Variants in ZC3H12B observed in about 807,000 individuals in gnomAD.
ZC3H12B encodes the protein probable ribonuclease ZC3H12B.
A neutral mutation model predicts 43.9 loss-of-function variants in ZC3H12B; 7 were observed. The observed-to-expected ratio is 0.16, with a 90% CI of 0.09 to 0.30. The LOEUF (loss-of-function observed/expected upper bound fraction) is 0.30, where lower values mean the gene tolerates loss of function less well. Ranked by LOEUF, ZC3H12B falls within the 10% of genes least tolerant of loss-of-function variation. ZC3H12B has a pLI of 1.00. For missense variants in ZC3H12B, 475 were observed against 670.2 expected (o/e 0.71, Z 3.22); for synonymous variants, 222 against 241.7 (o/e 0.92, Z 0.76).
the ZC3H12B span, among the ~76,000 whole-genome samples, chrX:65,124,269 C>G: frequency 9.0e-6 from 1 of 110,714 alleles, no homozygotes; most frequent in Non-Finnish European, 1.9e-5. Flanking sequence ...GTTTTTGATT[C>G]TGTTTATTGG....
the ZC3H12B span, among the ~76,000 whole-genome samples, chrX:65,218,957 A>T: frequency 1.8e-5 from 2 of 112,134 alleles, no homozygotes; most frequent in Non-Finnish European, 3.8e-5. Flanking sequence ...AGGTGCTGGT[A>T]TCCATGGCTT....
the ZC3H12B span, among the ~76,000 whole-genome samples, chrX:65,248,171 A>T: frequency 1.8e-5 from 2 of 110,298 alleles, no homozygotes. Context: ...TGAGTAGCTG[A>T]GACCACAGGA....
intron 4 of ZC3H12B, 50 bp from the exon 10 acceptor site, chrX:65,501,739 G>C: frequency 9.3e-7 from 1 of 1,075,997 alleles, no homozygotes; most frequent in Non-Finnish European, 1.2e-6. Flanking sequence ...TTTTGGCACA[G>C]AGGGTTCCAT....
chrX:65,384,036 T>G (rs2148014836), intron 2 of ZC3H12B, among the ~76,000 whole-genome samples: 1 of 99,478 alleles, frequency 1.0e-5, no homozygotes, highest in Non-Finnish European at 2.0e-5. Context: ...CCCAAAGGAC[T>G]ATAAATCATG....
At chrX:65,178,268 T>C in the ZC3H12B span, among the ~76,000 whole-genome samples, 2 of 112,254 alleles carry the variant, frequency 1.8e-5, no homozygotes, top group Non-Finnish European at 1.9e-5. Context: ...TAACTCAAGA[T>C]GGATTAAAGA....
chrX:65,224,939 G>A, the ZC3H12B span, among the ~76,000 whole-genome samples: 816 of 112,112 alleles, frequency 7.3e-3, 3 homozygotes, highest in Non-Finnish European at 0.013. Context: ...CTCCAACTCT[G>A]GGGGAGGGCA....
chrX:65,453,556 A>G (rs2067555305), intron 3 of ZC3H12B, among the ~76,000 whole-genome samples: 1 of 105,385 alleles, frequency 9.5e-6, no homozygotes, highest in South Asian at 4.4e-4. Context: ...CACTTTCTCT[A>G]CCAAAAAATA....
chrX:65,035,013 G>T, the ZC3H12B span, among the ~76,000 whole-genome samples: 739 of 112,525 alleles, frequency 6.6e-3, 3 homozygotes, highest in Non-Finnish European at 9.7e-3. Context: ...GGTCCGGGCC[G>T]CTGGGCGAGC....
chrX:65,156,437 A>G, the ZC3H12B span, among the ~76,000 whole-genome samples: 72 of 111,417 alleles, frequency 6.5e-4, 2 homozygotes, highest in African/African-American at 2.3e-3. Context: ...CTGGAGTGCA[A>G]TGGCGCAATC....
chrX:65,163,210 G>A, the ZC3H12B span, among the ~76,000 whole-genome samples: 2 of 111,468 alleles, frequency 1.8e-5, no homozygotes, highest in African/African-American at 6.5e-5. Context: ...GTTGCTCGGG[G>A]GTCAGGGGTC....
At chrX:65,492,600 C>T (rs754780815) in intron 1 of ZC3H12B, among the ~76,000 whole-genome samples, 1 of 111,624 alleles carries the variant, frequency 9.0e-6, no homozygotes, top group East Asian at 2.8e-4. Flanking sequence ...AGTAAATTAC[C>T]GTTAAGTCCC....
At chrX:65,280,534 G>A in the ZC3H12B span, among the ~76,000 whole-genome samples, 7 of 111,750 alleles carry the variant, frequency 6.3e-5, no homozygotes, top group Non-Finnish European at 1.1e-4. Context: ...AGTACTGAAA[G>A]CCCATTAGGC....
At chrX:65,308,380 CAA>C in the ZC3H12B span, among the ~76,000 whole-genome samples, 3 of 110,759 alleles carry the variant, frequency 2.7e-5, no homozygotes, top group Non-Finnish European at 5.7e-5. Context: ...CAACAAAGAT[CAA>C]AAGAGACAAG....
At chrX:65,096,266 T>C in the ZC3H12B span, among the ~76,000 whole-genome samples, 3 of 109,696 alleles carry the variant, frequency 2.7e-5, no homozygotes, top group African/African-American at 1.0e-4. Context: ...TAATGCATGC[T>C]GGGCTTAATA....
At chrX:65,361,650 T>A (rs896064805), upstream of ZC3H12B, among the ~76,000 whole-genome samples, 3 of 110,812 alleles carry the variant, frequency 2.7e-5, no homozygotes, top group Admixed American at 1.9e-4. Flanking sequence ...ATGTCCCATT[T>A]GGCAACAACC....
At chrX:65,384,378 G>A (rs2066491063) in intron 2 of ZC3H12B, among the ~76,000 whole-genome samples, 1 of 111,070 alleles carries the variant, frequency 9.0e-6, no homozygotes, top group Admixed American at 9.7e-5. Context: ...GTGGGGTGTG[G>A]GGAGGGATAG....
At chrX:65,257,567 A>G in the ZC3H12B span, among the ~76,000 whole-genome samples, 76 of 110,782 alleles carry the variant, frequency 6.9e-4, 1 homozygote, top group East Asian at 0.021. Context: ...AAACCTGCAC[A>G]TTGTGCACAT....
At chrX:65,503,615 TTTCTTTA>T (rs1034942135) in exon 5 of ZC3H12B, 3 of 108,019 alleles carry the variant, frequency 2.8e-5, no homozygotes, top group African/African-American at 1.3e-4. Context: ...TCTTTCTTTC[TTTCTTTA>T]TTTTTTTTTT....
At chrX:65,200,403 G>A in the ZC3H12B span, among the ~76,000 whole-genome samples, 1 of 87,708 alleles carries the variant, frequency 1.1e-5, no homozygotes, top group Non-Finnish European at 2.3e-5. Context: ...TAGGTTGTCT[G>A]TTCACTCTGA....
Sources: gnomAD v4.1 joint callset for allele counts (sites outside exome capture counted in the v4.1 genomes callset) on GRCh38, gnomAD v4.1.1 for gene constraint, MANE v1.5 for transcripts, NCBI Gene and HGNC (gene_info 2026-07-23, HGNC 2026-07-21) for gene names.